The following UBR4 variants were observed in gnomAD, a reference collection of about 807,000 sequenced individuals.
The protein encoded by UBR4 is ubiquitin protein ligase E3 component n-recognin 4.
A neutral mutation model predicts 575.6 loss-of-function variants in UBR4; 124 were observed. The ratio of observed to expected loss-of-function variants is 0.22; its 90% CI spans 0.19 to 0.25. The LOEUF (loss-of-function observed/expected upper bound fraction) is 0.25. UBR4 is among the 10% of genes least tolerant of loss of function. UBR4 has a pLI of 1.00. For missense variants in UBR4, 4,818 were observed against 6,478.8 expected (o/e 0.74, Z 8.80); for synonymous variants, 2,455 against 2,473.7 (o/e 0.99, Z 0.22).
chr1:19,074,620 T>A lies in UBR4; in HGVS notation c.*212A>T, dbSNP rs1460826896. ...AGGTATGTACAGGCCCTTTGATGGCTTGGGTTACAGACAACCTCATAGCTG... is the reference window on the plus strand; with the variant it reads ...AGGTATGTACAGGCCCTTTGATGGCATGGGTTACAGACAACCTCATAGCTG... On this transcript the variant is annotated 3_prime_UTR_variant, in exon 106 of 106. Transcript: ENST00000375254. 6.6e-6 allele frequency: 4 copies of A among 604,150 alleles called. No homozygotes were observed. The allele number at this position is 604,150 out of a possible 1,614,324, so 37.4% of individuals were successfully genotyped here.
At chr1:19,144,280 A>C (rs1342276460) in intron 54 of UBR4, among the ~76,000 whole-genome samples, 189 bp from the exon 55 acceptor site, 1 of 152,192 alleles carries the variant, frequency 6.6e-6, no homozygotes, top group African/African-American at 2.4e-5. Context: ...ACACATTAAG[A>C]GCCATTCGCT....
In UBR4 at chr1:19,120,201, C is replaced by G. The variant is rs147827042; in HGVS notation, c.10289G>C (p.Cys3430Ser). 2.3e-4 allele frequency: 377 copies of G among 1,614,172 alleles called. No homozygotes were observed. Among genetic ancestry groups the G allele is most frequent in the Non-Finnish European group, 3.0e-4 (351 of 1,179,996 alleles). ...NSSSVRWQAH[C>S]LTLHIYRNSS... is the part of the protein sequence containing the mutation. ...CTACCTGTAGATGTGCAGTGTCAGA[C>G]AGTGGGCCTGCCAGCGCACCGAGGA... is the stretch of plus-strand genomic sequence containing the variant. Residue 3430 changes from cysteine (C) to serine (S), a missense_variant, in exon 69 of 106, where the codon TGT (cysteine) becomes TCT (serine). Cys to Ser is a moderately radical substitution (Grantham distance 112, BLOSUM62 -1). This residue lies in a region of UBR4 where 550 missense variants were observed against 791.5 expected (regional missense o/e 0.69). Coordinates refer to ENST00000375254, the MANE Select transcript of UBR4 (RefSeq NM_020765.3).
Position 19,177,632 on chromosome 1 carries a change from G to A in UBR4, c.2466C>T (p.Thr822=), listed in dbSNP as rs1017107205. Residue 822 remains threonine (T), a synonymous_variant, in exon 19 of 106, where the codon ACC becomes ACT. Coordinates refer to ENST00000375254, the MANE Select transcript of UBR4 (RefSeq NM_020765.3). ...QMLLLIFHNF[T]ETGRRAILSL... is the part of the protein sequence containing the mutation. ...ACAATATGGCCCGCCGGCCTGTCTC[G>A]GTGAAATTGTGGAAAATGAGGAGGA... is the stretch of plus-strand genomic sequence containing the variant. The A allele has an allele frequency of 1.5e-5, 24 of 1,613,888 alleles. No homozygotes were observed. The highest frequency in any genetic ancestry group is 1.5e-4 in the African/African-American group (11 of 74,874).
rs763490263 is a variant in UBR4, at chr1:19,164,863, C to A, written c.4447G>T (p.Asp1483Tyr). Residue 1483 changes from aspartate (D) to tyrosine (Y), a missense_variant, in exon 32 of 106, where the codon GAT (aspartate) becomes TAT (tyrosine). Asp to Tyr is a radical substitution (Grantham distance 160). Around this residue, in one of 29 missense-constraint regions of UBR4, gnomAD observed 1,172 missense variants for 1,259.7 expected, o/e 0.93. Transcript: ENST00000375254. ...TSPPKDSDQL[D>Y]VIQENRQLLQ... Reference sequence around the variant, plus strand: ...AGCTGCCGGTTCTCCTGAATTACATCCAGCTGATCAGAATCTTTTGGGGGC... The same window carrying A: ...AGCTGCCGGTTCTCCTGAATTACATACAGCTGATCAGAATCTTTTGGGGGC... 1 of 1,614,164 alleles carries A rather than the reference C, an allele frequency of 6.2e-7. No individual in the cohort carries two copies. The highest frequency in any genetic ancestry group is 1.7e-5 in the Admixed American group (1 of 60,024).
At chr1:19,162,343 A>G in intron 35 of UBR4, 77 bp downstream of exon 35, 1 of 1,509,408 alleles carries the variant, frequency 6.6e-7, no homozygotes, top group Non-Finnish European at 8.9e-7. Context: ...GAGGCTGGAA[A>G]ACAGAGCCAA....
In UBR4 at chr1:19,100,668, C is replaced by T. The variant is rs2078532239; in HGVS notation, c.13024-95G>A. ...TCCATGGACACTCGAGGAAAACACA[C>T]CAAACTCAGCAAGCCCCCCAAACAT... is the stretch of plus-strand genomic sequence containing the variant. On this transcript the variant is annotated intron_variant, in intron 88 of 105. Coordinates refer to ENST00000375254, the MANE Select transcript of UBR4 (RefSeq NM_020765.3). This position sits in a 1 kb window ranked among gnomAD's most constrained non-coding sequence, Gnocchi z 4.2. 2 of 1,195,018 alleles carry T rather than the reference C, an allele frequency of 1.7e-6. No homozygotes were observed. Among genetic ancestry groups the T allele is most frequent in the Admixed American group, 2.0e-5 (1 of 50,662 alleles). 74.0% of individuals were successfully genotyped at this position (1,195,018 alleles called of 1,614,324 possible). A position where few individuals can be genotyped will look rare whatever the true frequency, so the allele number is the denominator to read the frequency against.
chr1:19,201,822 AAAT>A lies in UBR4; in HGVS notation c.177-10_177-8del, dbSNP rs776285668. 1.6e-5 allele frequency: 25 copies of A among 1,612,796 alleles called. No individual in the cohort carries two copies. Among genetic ancestry groups the A allele is most frequent in the Middle Eastern group, 1.6e-4 (1 of 6,080 alleles). On this transcript the variant is annotated splice_polypyrimidine_tract_variant and splice_region_variant and intron_variant, in intron 1 of 105. Transcript: ENST00000375254. ...GTGCAGGATTTCTGATTCACTGTAA[AAAT>A]AATAATAATTCAGCCAGCATCTGCT...
At chr1:19,209,964 G>A (rs904955614) in intron 1 of UBR4, 109 bp downstream of exon 1, 2 of 1,339,652 alleles carry the variant, frequency 1.5e-6, no homozygotes, top group South Asian at 1.8e-5. Context: ...TGGCTGTGGC[G>A]GGGATCCTCA....
chr1:19,078,308 C>T, intron 103 of UBR4: 1 of 441,884 alleles, frequency 2.3e-6, no homozygotes, highest in South Asian at 2.4e-5. Flanking sequence ...CAGTGCTCAT[C>T]TTCCAGATCA....
At chr1:19,080,775 A>T (rs2076415625) in intron 103 of UBR4, 1 of 152,576 alleles carries the variant, frequency 6.6e-6, no homozygotes. Context: ...GTTTCTCTTG[A>T]GACCATCTGT....
Position 19,164,293 on chromosome 1 carries a change from G to C in UBR4, c.4660C>G (p.Leu1554Val). The C allele has an allele frequency of 1.2e-6, 2 of 1,614,140 alleles. No homozygotes were observed. The highest frequency in any genetic ancestry group is 1.7e-6 in the Non-Finnish European group (2 of 1,179,992). Residue 1554 changes from leucine (L) to valine (V), a missense_variant, in exon 33 of 106, where the codon CTT (leucine) becomes GTT (valine). Physicochemically the swap from Leu to Val is conservative, Grantham distance 32. Transcript: ENST00000375254. ...TCCACAGCAGCATTATGAAGCTGAAGGTGACCAGCACCTTGACCTGCACTG... is the reference window on the plus strand; with the variant it reads ...TCCACAGCAGCATTATGAAGCTGAACGTGACCAGCACCTTGACCTGCACTG... Reference protein sequence around the residue: ...LASAGQGAGHLQLHNAAVDWL... With the variant: ...LASAGQGAGHVQLHNAAVDWL...
chr1:19,120,312 G>A lies in UBR4; in HGVS notation c.10178C>T (p.Thr3393Ile). 1 of 1,614,152 alleles carries A rather than the reference G, an allele frequency of 6.2e-7. No homozygotes were observed. Among genetic ancestry groups the A allele is most frequent in the Non-Finnish European group, 8.5e-7 (1 of 1,180,014 alleles). ...TTTGTTCAGCTGGTTCACCAGAGCT[G>A]TGCACAGCTGGTCCTCCTGGCTGCC... ...TSGSQEDQLC[T>I]ALVNQLNKFA... is the part of the protein sequence containing the mutation. The change falls in exon 69 of 106, where the codon ACA becomes ATA. Residue 3393 changes from threonine to isoleucine, a missense_variant. Coordinates refer to ENST00000375254, the MANE Select transcript of UBR4 (RefSeq NM_020765.3).
chr1:19,135,412 T>G (rs1419974473), intron 60 of UBR4, among the ~76,000 whole-genome samples: 1 of 152,218 alleles, frequency 6.6e-6, no homozygotes, highest in Non-Finnish European at 1.5e-5. Context: ...TATCAACTTG[T>G]CAATTTTAAC....
chr1:19,080,804 G>A (rs2076420191), intron 103 of UBR4: 1 of 153,186 alleles, frequency 6.5e-6, no homozygotes. Context: ...ACAGCCCAAG[G>A]TCATAAATCA....
At chr1:19,204,179 T>C (rs1489032484) in intron 1 of UBR4, among the ~76,000 whole-genome samples, 5 of 151,932 alleles carry the variant, frequency 3.3e-5, no homozygotes, top group Admixed American at 2.0e-4. Flanking sequence ...TTGTATTTTT[T>C]TTTTAGTAGA....
chr1:19,152,549 C>G lies in UBR4; in HGVS notation c.6833-73G>C. The stretch of plus-strand genomic sequence containing the variant: ...CCAACACCACTGGTAAAGACTCCTC[C>G]CAGACAGAGCCCACACTCACACTCT... On this transcript the variant is annotated intron_variant, in intron 46 of 105. Transcript: ENST00000375254. The surrounding 1 kb of genome is among the most constrained non-coding windows in gnomAD (Gnocchi z 4.4). 1 of 1,579,820 alleles carries G rather than the reference C, an allele frequency of 6.3e-7. No individual in the cohort carries two copies. The highest frequency in any genetic ancestry group is 8.6e-7 in the Non-Finnish European group (1 of 1,156,964).
At chr1:19,197,074 TCATGGTTTCCTGAAAGTATATCTCTG>T in intron 8 of UBR4, 41 bp downstream of exon 8, 1 of 1,569,302 alleles carries the variant, frequency 6.4e-7, no homozygotes, top group Non-Finnish European at 8.7e-7. Context: ...AGGAGGATTT[TCATGGTTTCCTGAAAGTATATCTCTG>T]CTTGACTGAG....
At chr1:19,134,354 G>A (rs2082941294) in intron 60 of UBR4, among the ~76,000 whole-genome samples, 1 of 152,202 alleles carries the variant, frequency 6.6e-6, no homozygotes, top group Admixed American at 6.5e-5. Context: ...TTGAGCCTAG[G>A]CATTCAAGGT....
intron 60 of UBR4, among the ~76,000 whole-genome samples, chr1:19,136,873 G>T (rs1049200198): frequency 6.6e-6 from 1 of 152,152 alleles, no homozygotes; most frequent in East Asian, 1.9e-4. Context: ...TTCATCCAGA[G>T]ATGTTAAGCG....
Sources: gnomAD v4.1 joint callset for allele counts (sites outside exome capture counted in the v4.1 genomes callset) on GRCh38, gnomAD v4.1.1 for gene constraint, gnomAD v4.1.1 regional missense constraint, Gnocchi (gnomAD v3.1) non-coding constraint, MANE v1.5 for transcripts, NCBI Gene and HGNC (gene_info 2026-07-23, HGNC 2026-07-21) for gene names.